Variants in SIK3 observed in about 807,000 individuals in gnomAD.
The protein encoded by SIK3 is SIK family kinase 3.
Under a neutral mutation model 144.2 loss-of-function variants are expected in SIK3, and 28 were observed. The observed-to-expected ratio is 0.19, with a 90% CI of 0.14 to 0.27. The LOEUF (loss-of-function observed/expected upper bound fraction) is 0.27, where lower values mean the gene tolerates loss of function less well. SIK3 is among the 10% of genes least tolerant of loss of function. SIK3 has a pLI of 1.00. For missense variants in SIK3, 1,319 were observed against 1,776.0 expected (o/e 0.74, Z 4.62); for synonymous variants, 686 against 676.3 (o/e 1.01, Z -0.22).
chr11:116,977,831 T>C (rs1328684981), intron 1 of SIK3, among the ~76,000 whole-genome samples: 1 of 152,156 alleles, frequency 6.6e-6, no homozygotes, highest in East Asian at 1.9e-4. Flanking sequence ...GCTCTCTATT[T>C]AGCAAGGTTG....
intron 6 of SIK3, among the ~76,000 whole-genome samples, chr11:116,888,652 A>T (rs1436693146): frequency 6.6e-6 from 1 of 152,224 alleles, no homozygotes; most frequent in African/African-American, 2.4e-5. Flanking sequence ...TATTGGTAAT[A>T]TAGCAAGTAT....
chr11:116,873,932 A>C lies in SIK3; in HGVS notation c.1552T>G (p.Leu518Val). 6.2e-7 allele frequency: 1 copy of C among 1,613,244 alleles called. No individual in the cohort carries two copies. The change falls in exon 12 of 25, where the codon TTG becomes GTG. Residue 518 changes from leucine to valine, a missense_variant. By Grantham distance (32) the Leu-to-Val change is conservative. Coordinates refer to ENST00000445177, the MANE Select transcript of SIK3 (RefSeq NM_001366686.3). The stretch of plus-strand genomic sequence containing the variant: ...TACTCAAGTTGCCCGGTTGGTTGCA[A>C]GTTTTGCATAGGCAACAGGTTGTGC... ...FMHNLLPMQNLQPTGQLEYKE... is the reference protein window; with the variant it reads ...FMHNLLPMQNVQPTGQLEYKE...
In SIK3 at chr11:116,875,988, C is replaced by T. The variant is rs1425229878; in HGVS notation, c.1117G>A (p.Asp373Asn). The change falls in exon 9 of 25, where the codon GAT becomes AAT. Residue 373 changes from aspartate (D) to asparagine (N), a missense_variant. This residue lies in a region of SIK3 where 109 missense variants were observed against 109.3 expected (regional missense o/e 1.00). Coordinates refer to ENST00000445177, the MANE Select transcript of SIK3 (RefSeq NM_001366686.3). Reference protein sequence around the residue: ...TLQSLRSDAYDHYSAIYSLLC... With the variant: ...TLQSLRSDAYNHYSAIYSLLC... ...AGGCTGTAGATTGCACTATAGTGAT[C>T]ATAGGCATCTGATCTTAATGACTAC... The T allele has an allele frequency of 1.2e-6, 2 of 1,613,126 alleles. No homozygotes were observed. The highest frequency in any genetic ancestry group is 2.7e-5 in the African/African-American group (2 of 74,792).
At chr11:117,010,355 C>T (rs1056156164) in intron 1 of SIK3, among the ~76,000 whole-genome samples, 1 of 152,138 alleles carries the variant, frequency 6.6e-6, no homozygotes, top group African/African-American at 2.4e-5. Context: ...AGTGTGACTT[C>T]CCCAGTCCTG....
chr11:117,079,142 C>T (rs1954678064), intron 1 of SIK3, among the ~76,000 whole-genome samples: 1 of 152,172 alleles, frequency 6.6e-6, no homozygotes, highest in Admixed American at 6.5e-5. Context: ...GATTATAGAG[C>T]TTCCCAAACT....
At chr11:117,012,570 TCCTTGCTTAC>T (rs1951308552) in intron 1 of SIK3, among the ~76,000 whole-genome samples, 1 of 152,208 alleles carries the variant, frequency 6.6e-6, no homozygotes, top group East Asian at 1.9e-4. Flanking sequence ...TATTTCCGTA[TCCTTGCTTAC>T]ACTGCTCTGT....
At chr11:117,026,416 T>C (rs1270446742) in intron 1 of SIK3, among the ~76,000 whole-genome samples, 2 of 152,142 alleles carry the variant, frequency 1.3e-5, no homozygotes, top group Non-Finnish European at 2.9e-5. Flanking sequence ...TGACTATACT[T>C]GCATTCTACA....
chr11:116,889,042 G>A (rs979018886), intron 6 of SIK3, among the ~76,000 whole-genome samples: 1 of 152,156 alleles, frequency 6.6e-6, no homozygotes, highest in Non-Finnish European at 1.5e-5. Context: ...TGTGGACATT[G>A]GAAAAGTAAA....
intron 9 of SIK3, 26 bp from the exon 10 acceptor site, chr11:116,875,477 C>T (rs765365919): frequency 1.0e-5 from 16 of 1,605,278 alleles, no homozygotes; most frequent in Admixed American, 3.3e-5. Flanking sequence ...TACATATACA[C>T]GCATACCTTT....
chr11:116,847,716 G>T, intron 22 of SIK3, 108 bp from the exon 23 acceptor site: 1 of 1,451,528 alleles, frequency 6.9e-7, no homozygotes, highest in Non-Finnish European at 9.5e-7. Context: ...GACAGCCCGG[G>T]GCCCCACTCC....
At chr11:116,993,157 G>T (rs968293876) in intron 1 of SIK3, among the ~76,000 whole-genome samples, 4 of 152,132 alleles carry the variant, frequency 2.6e-5, no homozygotes, top group Non-Finnish European at 2.9e-5. Flanking sequence ...AAAGTGGTGG[G>T]ATTACTGGCA....
intron 1 of SIK3, among the ~76,000 whole-genome samples, chr11:116,982,302 T>C (rs1950167895): frequency 1.3e-5 from 2 of 151,298 alleles, no homozygotes; most frequent in Non-Finnish European, 3.0e-5. Context: ...CTTTTTTTTT[T>C]TTTTCAGACG....
intron 22 of SIK3, 121 bp from the exon 23 acceptor site, chr11:116,847,729 A>C (rs1411505528): frequency 1.7e-6 from 2 of 1,190,770 alleles, no homozygotes. Flanking sequence ...CCCACTCCAG[A>C]CTCCTTCCTC....
intron 1 of SIK3, among the ~76,000 whole-genome samples, chr11:116,987,597 A>T (rs1950366999): frequency 6.6e-6 from 1 of 152,210 alleles, no homozygotes; most frequent in Non-Finnish European, 1.5e-5. Context: ...ACCACATGAA[A>T]TCCATGTGGT....
rs151294148 is a variant in SIK3 at position 116,858,021 on chromosome 11, C to T, written c.3444G>A (p.Ser1148=). 13 of 1,613,828 alleles carry T rather than the reference C, an allele frequency of 8.1e-6. No homozygotes were observed. Among genetic ancestry groups the T allele is most frequent in the African/African-American group, 2.7e-5 (2 of 74,938 alleles). Reference sequence around the variant, plus strand: ...GGAAGCCATCCTTGGCCCCCTCACACGAGCAGTCCTCCTCCATGCTCTCTG... The same window carrying T: ...GGAAGCCATCCTTGGCCCCCTCACATGAGCAGTCCTCCTCCATGCTCTCTG... ...MHSESMEEDC[S]CEGAKDGFQD... Residue 1148 remains serine, a synonymous_variant, in exon 21 of 25, where the codon TCG becomes TCA. Transcript: ENST00000445177. The surrounding 1 kb of genome is among the most constrained non-coding windows in gnomAD (Gnocchi z 5.4).
At chr11:117,089,422 A>G (rs955991484) in intron 1 of SIK3, among the ~76,000 whole-genome samples, 13 of 151,300 alleles carry the variant, frequency 8.6e-5, no homozygotes, top group East Asian at 3.9e-4. Flanking sequence ...AAAAAAAAAA[A>G]GACTAAGAAA....
chr11:116,875,718 G>T (rs1944215938), intron 9 of SIK3, 148 bp downstream of exon 9: 4 of 1,034,624 alleles, frequency 3.9e-6, no homozygotes, highest in Non-Finnish European at 5.6e-6. Context: ...TCTTTGATTG[G>T]CCTCTGACAA....
At position 116,874,961 on chromosome 11, in the gene SIK3, T is replaced by C. The variant is rs530887433; in HGVS notation, c.1427+197A>G. On this transcript the variant is annotated intron_variant, in intron 11 of 24. Coordinates refer to ENST00000445177, the MANE Select transcript of SIK3 (RefSeq NM_001366686.3). Reference sequence around the variant, plus strand: ...AAACACTTTGGGAAACTGTTGTTATTGGATTTTGGATCCTTATTCATTTAA... The same window carrying C: ...AAACACTTTGGGAAACTGTTGTTATCGGATTTTGGATCCTTATTCATTTAA... 2.5e-4 allele frequency among the ~76,000 whole-genome samples: 38 copies of C among 152,360 alleles called. No individual in the cohort carries two copies. In the Middle Eastern group the frequency reaches 0.01, roughly 41 times the overall value.
At chr11:117,016,418 A>AGGAAGGAC in intron 1 of SIK3, among the ~76,000 whole-genome samples, 1 of 148,750 alleles carries the variant, frequency 6.7e-6, no homozygotes, top group Admixed American at 6.7e-5. Flanking sequence ...GAAGGAAGGA[A>AGGAAGGAC]GGAAGGAAGG....
Sources: allele counts gnomAD v4.1 joint callset (sites outside exome capture counted in the v4.1 genomes callset), GRCh38; gene constraint gnomAD v4.1.1; regional missense constraint gnomAD v4.1.1; non-coding constraint Gnocchi (gnomAD v3.1); transcripts MANE v1.5; gene names NCBI Gene and HGNC (gene_info 2026-07-23, HGNC 2026-07-21).